Variants in CACNA1H observed in about 807,000 individuals in gnomAD.
CACNA1H encodes the protein calcium voltage-gated channel subunit alpha1 H.
Under a neutral mutation model 192.5 loss-of-function variants are expected in CACNA1H, and 149 were observed. That is an observed-to-expected ratio of 0.77 (90% confidence interval 0.68 to 0.89). The LOEUF is 0.89. Ranked by LOEUF, CACNA1H falls within the 40% of genes least tolerant of loss-of-function variation. CACNA1H has a pLI of 0.00. For missense variants in CACNA1H, 4,257 were observed against 3,423.5 expected (o/e 1.24, Z -6.08); for synonymous variants, 2,202 against 1,475.2 (o/e 1.49, Z -11.29).
intron 25 of CACNA1H, 26 bp from the exon 26 acceptor site, chr16:1,212,485 C>A (rs534591396): frequency 1.2e-6 from 2 of 1,608,950 alleles, no homozygotes; most frequent in Non-Finnish European, 1.7e-6. Flanking sequence ...GCCCTCGGCC[C>A]TCAGACCATC....
In CACNA1H at chr16:1,200,767, C is replaced by A; in HGVS notation, c.1171C>A (p.His391Asn). The change falls in exon 8 of 35, where the codon CAC (histidine) becomes AAC (asparagine). Residue 391 changes from histidine to asparagine, a missense_variant. Physicochemically the swap from His to Asn is moderately conservative, Grantham distance 68. Coordinates refer to ENST00000348261, the MANE Select transcript of CACNA1H (RefSeq NM_021098.3). ...VDIMYYVMDA[H>N]SFYNFIYFIL... ...CATCATGTACTACGTCATGGACGCCCACTCATTCTACAACTTCATCTATTT... is the reference window on the plus strand; with the variant it reads ...CATCATGTACTACGTCATGGACGCCAACTCATTCTACAACTTCATCTATTT... 1 of 1,555,602 alleles carries A rather than the reference C, an allele frequency of 6.4e-7. No individual in the cohort carries two copies. Among genetic ancestry groups the A allele is most frequent in the East Asian group, 2.4e-5 (1 of 41,202 alleles).
intron 2 of CACNA1H, among the ~76,000 whole-genome samples, chr16:1,160,543 G>A (rs1963058382): frequency 6.6e-6 from 1 of 152,208 alleles, no homozygotes; most frequent in African/African-American, 2.4e-5. Context: ...TGCCCGCCGA[G>A]GATGACAGAT....
chr16:1,156,215 G>A (rs948403497), intron 2 of CACNA1H, among the ~76,000 whole-genome samples: 3 of 152,206 alleles, frequency 2.0e-5, no homozygotes, highest in African/African-American at 7.2e-5. Flanking sequence ...AGTGATGGGG[G>A]GTGTCCCCAC....
Position 1,209,265 on chromosome 16 carries a change from G to T in CACNA1H, c.3597G>T (p.Leu1199=), listed in dbSNP as rs1441488153. ...CCCCACTGCGGCGGGCCGAGTCCCT[G>T]GACCCACGGCCCCTGCGGCCGGCCG... is the stretch of plus-strand genomic sequence containing the variant. ...RATPLRRAES[L]DPRPLRPAAL... The change falls in exon 17 of 35, where the codon CTG becomes CTT. Residue 1199 remains leucine (L), a synonymous_variant. Coordinates refer to ENST00000348261, the MANE Select transcript of CACNA1H (RefSeq NM_021098.3). 7.7e-6 allele frequency: 12 copies of T among 1,551,722 alleles called. No individual in the cohort carries two copies. Among genetic ancestry groups the T allele is most frequent in the African/African-American group, 1.4e-5 (1 of 73,478 alleles).
chr16:1,220,172 C>T lies in CACNA1H; in HGVS notation c.6240C>T (p.Ser2080=), dbSNP rs1567558805. Residue 2080 remains serine, a synonymous_variant, in exon 35 of 35, where the codon TCC becomes TCT. Transcript: ENST00000348261. ...ATACCTTCGGACAGCGCTGCGTCTCCAGCCGGCCGGCGGCCCCAGGCGGAG... is the reference window on the plus strand; with the variant it reads ...ATACCTTCGGACAGCGCTGCGTCTCTAGCCGGCCGGCGGCCCCAGGCGGAG... ...RKHTFGQRCV[S]SRPAAPGGEE... 1 of 1,520,744 alleles carries T rather than the reference C, an allele frequency of 6.6e-7. No homozygotes were observed. The allele number at this position is 1,520,744 out of a possible 1,614,324, so 94.2% of individuals were successfully genotyped here. A position where few individuals can be genotyped will look rare whatever the true frequency, so the allele number is the denominator to read the frequency against.
At position 1,218,632 on chromosome 16, in the gene CACNA1H, TG is replaced by T; in HGVS notation, c.5872del (p.Ala1958ProfsTer89). 6.6e-7 allele frequency: 1 copy of T among 1,523,220 alleles called. No individual in the cohort carries two copies. Among genetic ancestry groups the T allele is most frequent in the Non-Finnish European group, 8.8e-7 (1 of 1,132,840 alleles). 94.4% of individuals were successfully genotyped at this position (1,523,220 alleles called of 1,614,324 possible). On this transcript the variant is annotated frameshift_variant, in exon 33 of 35. Coordinates refer to ENST00000348261, the MANE Select transcript of CACNA1H (RefSeq NM_021098.3). LOFTEE classifies it high-confidence loss of function. ...PLQEVEMETYGAGTPLGSVAS... is the reference protein window; with the variant it reads ...PLQEVEMETYXAGTPLGSVAS... The stretch of plus-strand genomic sequence containing the variant: ...TGCAGGAGGTGGAGATGGAGACCTA[TG>T]GGGCCGGCACCCCCTTGGGTATGGT...
At chr16:1,168,523 G>T (rs552173873) in intron 2 of CACNA1H, among the ~76,000 whole-genome samples, 1 of 151,998 alleles carries the variant, frequency 6.6e-6, no homozygotes, top group East Asian at 1.9e-4. Context: ...CCAGAGCTGG[G>T]GAGATGCACC....
intron 9 of CACNA1H, 99 bp downstream of exon 9, chr16:1,202,551 G>A (rs1173231438): frequency 5.6e-6 from 6 of 1,063,186 alleles, no homozygotes; most frequent in Non-Finnish European, 7.9e-6. Flanking sequence ...TGGGCACTCT[G>A]ATGAGCCCAG....
chr16:1,211,465 C>T lies in CACNA1H; in HGVS notation c.4351-16C>T, dbSNP rs200013690. The T allele has an allele frequency of 9.9e-6, 16 of 1,612,300 alleles. No homozygotes were observed. The highest frequency in any genetic ancestry group is 6.7e-5 in the Admixed American group (4 of 60,012). ...CACAGGCCAGGCCCTCCGCGGTGAC[C>T]GTCGCACCCCGTCAGCTCTTCAAAG... On this transcript the variant is annotated splice_polypyrimidine_tract_variant and intron_variant, in intron 22 of 34. Coordinates refer to ENST00000348261, the MANE Select transcript of CACNA1H (RefSeq NM_021098.3).
At position 1,200,503 on chromosome 16, in the gene CACNA1H, G is replaced by T; in HGVS notation, c.1051G>T (p.Asp351Tyr). The T allele has an allele frequency of 6.2e-7, 1 of 1,612,298 alleles. No individual in the cohort carries two copies. Among genetic ancestry groups the T allele is most frequent in the South Asian group, 1.1e-5 (1 of 91,086 alleles). Residue 351 changes from aspartate to tyrosine, a missense_variant, in exon 7 of 35, where the codon GAC becomes TAC. Coordinates refer to ENST00000348261, the MANE Select transcript of CACNA1H (RefSeq NM_021098.3). ...GTACTACAACGTGTGCCGCTCGGGT[G>T]ACTCCAACCCCCACAACGGTGCCAT... ...NQYYNVCRSG[D>Y]SNPHNGAINF...
intron 2 of CACNA1H, among the ~76,000 whole-genome samples, chr16:1,192,812 C>T (rs1406123510): frequency 2.6e-5 from 4 of 152,072 alleles, no homozygotes; most frequent in African/African-American, 7.3e-5. Flanking sequence ...CGGGTCTCAG[C>T]CCTCAGTCCT....
chr16:1,187,055 T>C (rs530912865), intron 2 of CACNA1H, among the ~76,000 whole-genome samples: 4 of 152,338 alleles, frequency 2.6e-5, no homozygotes, highest in Admixed American at 2.0e-4. Context: ...GCAGAGGCGA[T>C]GGAGTCCCTC....
At chr16:1,184,589 C>A (rs891107066) in intron 2 of CACNA1H, among the ~76,000 whole-genome samples, 2 of 152,280 alleles carry the variant, frequency 1.3e-5, no homozygotes, top group Non-Finnish European at 2.9e-5. Flanking sequence ...TCCAGGCCCC[C>A]TGGTGGAAGG....
chr16:1,208,947 G>A (rs1279952037), intron 16 of CACNA1H, 85 bp from the exon 17 acceptor site: 2 of 1,325,432 alleles, frequency 1.5e-6, no homozygotes, highest in East Asian at 2.8e-5. Flanking sequence ...TCCACGTGTG[G>A]CTTGCACACA....
intron 2 of CACNA1H, among the ~76,000 whole-genome samples, chr16:1,173,355 G>A (rs1175568308): frequency 6.6e-6 from 1 of 152,144 alleles, no homozygotes; most frequent in East Asian, 1.9e-4. Context: ...GGGATGAGGC[G>A]TGCTCCCCCA....
chr16:1,213,845 A>G lies in CACNA1H; in HGVS notation c.4843A>G (p.Thr1615Ala), dbSNP rs770552911. ...GCGCCGCTCCATTCACTCGCTGTGC[A>G]CCAGCCACTATCTCGACCTCTTCAT... ...PTRRSIHSLC[T>A]SHYLDLFITF... is the part of the protein sequence containing the mutation. Residue 1615 changes from threonine (T) to alanine (A), a missense_variant, in exon 27 of 35, where the codon ACC becomes GCC. Physicochemically the swap from Thr to Ala is moderately conservative, Grantham distance 58. Transcript: ENST00000348261. 1 of 1,578,122 alleles carries G rather than the reference A, an allele frequency of 6.3e-7. No individual in the cohort carries two copies. Among genetic ancestry groups the G allele is most frequent in the East Asian group, 2.3e-5 (1 of 42,748 alleles).
intron 11 of CACNA1H, 133 bp from the exon 12 acceptor site, chr16:1,205,971 C>T: frequency 1.2e-6 from 1 of 803,268 alleles, no homozygotes; most frequent in African/African-American, 1.7e-5. Flanking sequence ...TTGATGCAGC[C>T]ATACCCTCTC....
At chr16:1,153,569 GA>G in intron 1 of CACNA1H, 99 bp downstream of exon 1, 1 of 374,524 alleles carries the variant, frequency 2.7e-6, no homozygotes, top group East Asian at 5.0e-5. Flanking sequence ...TGGAGGGAGG[GA>G]GGGGGCGGGC....
intron 2 of CACNA1H, among the ~76,000 whole-genome samples, chr16:1,168,324 G>A (rs940853852): frequency 2.0e-5 from 3 of 152,086 alleles, no homozygotes; most frequent in Non-Finnish European, 4.4e-5. Flanking sequence ...AGTTCCCAAA[G>A]CAGGAAGGTC....
Sources: gnomAD v4.1 joint callset for allele counts (sites outside exome capture counted in the v4.1 genomes callset) on GRCh38, gnomAD v4.1.1 for gene constraint, MANE v1.5 for transcripts, NCBI Gene and HGNC (gene_info 2026-07-23, HGNC 2026-07-21) for gene names.